The following ADAMTS9 variants were observed in gnomAD, a reference collection of about 807,000 sequenced individuals.
ADAMTS9 encodes the protein A disintegrin and metalloproteinase with thrombospondin motifs 9.
Under a neutral mutation model 257.1 loss-of-function variants are expected in ADAMTS9, and 107 were observed. That is an observed-to-expected ratio of 0.42 (90% CI 0.36 to 0.49). ADAMTS9 has a LOEUF of 0.49. ADAMTS9 is among the 20% of genes least tolerant of loss of function. The pLI is 0.03. For synonymous variants in ADAMTS9, 982 were observed against 880.9 expected (o/e 1.11, Z -2.03); for missense variants, 2,353 against 2,469.1 (o/e 0.95, Z 1.00).
intron 16 of ADAMTS9, among the ~76,000 whole-genome samples, chr3:64,630,932 C>G (rs944910569): frequency 1.3e-5 from 2 of 152,118 alleles, no homozygotes; most frequent in African/African-American, 4.8e-5. Context: ...GATAAAAAAT[C>G]TGTATAGTAT....
intron 21 of ADAMTS9, among the ~76,000 whole-genome samples, chr3:64,613,980 A>G (rs1216959915): frequency 1.3e-5 from 2 of 152,228 alleles, no homozygotes; most frequent in Non-Finnish European, 2.9e-5. Flanking sequence ...CATTTAATAA[A>G]TGCCAAATGT....
chr3:64,565,493 G>C (rs540925647), intron 29 of ADAMTS9: 1 of 152,340 alleles, frequency 6.6e-6, no homozygotes, highest in East Asian at 1.9e-4. Flanking sequence ...GTTGAACTGT[G>C]AAGAAGATCT....
intron 6 of ADAMTS9, among the ~76,000 whole-genome samples, chr3:64,655,351 G>T (rs1171617645): frequency 1.3e-5 from 2 of 152,200 alleles, no homozygotes; most frequent in East Asian, 1.9e-4. Context: ...AGACATTGCT[G>T]GTTGTCACAC....
chr3:64,574,649 A>C (rs2083787531), intron 28 of ADAMTS9, among the ~76,000 whole-genome samples: 1 of 151,282 alleles, frequency 6.6e-6, no homozygotes, highest in South Asian at 2.1e-4. Flanking sequence ...AGGAGCATTG[A>C]TTGAGCCTAG....
chr3:64,546,551 TGGCTTCAGA>T (rs1343109455), intron 32 of ADAMTS9, among the ~76,000 whole-genome samples, 198 bp downstream of exon 32: 1 of 152,208 alleles, frequency 6.6e-6, no homozygotes, highest in Non-Finnish European at 1.5e-5. Flanking sequence ...CCAGACTGTC[TGGCTTCAGA>T]GCCCATGTTC....
chr3:64,620,233 T>G (rs1398926293), intron 19 of ADAMTS9, among the ~76,000 whole-genome samples: 1 of 152,122 alleles, frequency 6.6e-6, no homozygotes, highest in Non-Finnish European at 1.5e-5. Flanking sequence ...TCAGAACTCC[T>G]CTATTTTCTC....
At chr3:64,659,372 G>A (rs1031863460) in intron 3 of ADAMTS9, among the ~76,000 whole-genome samples, 6 of 151,362 alleles carry the variant, frequency 4.0e-5, no homozygotes, top group South Asian at 4.2e-4. Flanking sequence ...GGAGGCTGAC[G>A]CACGAGAATT....
At chr3:64,604,168 A>G (rs1245073280) in intron 24 of ADAMTS9, 59 bp downstream of exon 24, 2 of 1,598,622 alleles carry the variant, frequency 1.3e-6, no homozygotes, top group African/African-American at 1.3e-5. Context: ...TTCTATAGCC[A>G]TGTCTGAGAA....
At chr3:64,616,874 C>T (rs1340438169) in intron 19 of ADAMTS9, among the ~76,000 whole-genome samples, 3 of 152,128 alleles carry the variant, frequency 2.0e-5, no homozygotes, top group African/African-American at 7.2e-5. Flanking sequence ...CTCATCACTG[C>T]TTAGAAATTG....
At chr3:64,628,265 C>T (rs1307118995) in intron 16 of ADAMTS9, among the ~76,000 whole-genome samples, 1 of 152,154 alleles carries the variant, frequency 6.6e-6, no homozygotes, top group Non-Finnish European at 1.5e-5. Flanking sequence ...TATCAGGAGG[C>T]CCTCCCTGAA....
chr3:64,635,499 G>T (rs550740386), intron 12 of ADAMTS9, among the ~76,000 whole-genome samples: 176 of 152,324 alleles, frequency 1.2e-3, no homozygotes, highest in Non-Finnish European at 1.9e-3. Flanking sequence ...ACGTCTGTCT[G>T]TTTCTGCATT....
intron 28 of ADAMTS9, chr3:64,584,168 T>A (rs1396494659): frequency 6.6e-6 from 1 of 152,110 alleles, no homozygotes; most frequent in Admixed American, 6.6e-5. Context: ...TTTGGGAAAA[T>A]GCTTTCATTT....
intron 30 of ADAMTS9, among the ~76,000 whole-genome samples, chr3:64,554,485 G>A (rs2083306670): frequency 6.6e-6 from 1 of 152,014 alleles, no homozygotes; most frequent in South Asian, 2.1e-4. Flanking sequence ...GGTTTCATCA[G>A]CTTTTTGTAA....
At chr3:64,653,203 C>G (rs1023921762) in intron 8 of ADAMTS9, among the ~76,000 whole-genome samples, 1 of 152,068 alleles carries the variant, frequency 6.6e-6, no homozygotes, top group Non-Finnish European at 1.5e-5. Flanking sequence ...CAAGTCCCAC[C>G]GCCACTAAGC....
chr3:64,562,426 T>C (rs1045491336), intron 29 of ADAMTS9, among the ~76,000 whole-genome samples: 1 of 152,208 alleles, frequency 6.6e-6, no homozygotes, highest in Admixed American at 6.5e-5. Flanking sequence ...GTTAATCATG[T>C]TGAAACATTT....
chr3:64,666,682 AAGAG>A (rs1701360348), intron 3 of ADAMTS9, among the ~76,000 whole-genome samples: 1 of 152,258 alleles, frequency 6.6e-6, no homozygotes, highest in Non-Finnish European at 1.5e-5. Flanking sequence ...TGGAGATTAA[AAGAG>A]ATAATACATA....
In ADAMTS9 at chr3:64,621,303, C is replaced by G. The variant is rs563671618; in HGVS notation, c.2687-63G>C. ...AATCTATTCCATAAACTATTTAGACCCCGGATTGGCAAGCATTTTCTCTAA... is the reference window on the plus strand; with the variant it reads ...AATCTATTCCATAAACTATTTAGACGCCGGATTGGCAAGCATTTTCTCTAA... On this transcript the variant is annotated intron_variant, in intron 18 of 39. Transcript: ENST00000498707. The G allele has an allele frequency of 2.8e-5, 43 of 1,520,486 alleles. 1 individual carries two copies. In the South Asian group the frequency reaches 5.0e-4, roughly 18 times the overall value. 94.2% of individuals were successfully genotyped at this position (1,520,486 alleles called of 1,614,324 possible).
In ADAMTS9 at chr3:64,615,473, A is replaced by T; in HGVS notation, c.3037T>A (p.Cys1013Ser). 2.5e-6 allele frequency: 4 copies of T among 1,613,162 alleles called. No individual in the cohort carries two copies. Among genetic ancestry groups the T allele is most frequent in the Non-Finnish European group, 3.4e-6 (4 of 1,179,638 alleles). The change falls in exon 21 of 40, where the codon TGT becomes AGT. Residue 1013 changes from cysteine (C) to serine (S), a missense_variant. Physicochemically the swap from Cys to Ser is moderately radical, Grantham distance 112. This residue lies in a region of ADAMTS9 where 1,402 missense variants were observed against 1,441.4 expected (regional missense o/e 0.97). Transcript: ENST00000498707. The stretch of plus-strand genomic sequence containing the variant: ...CTTCTCCTCTGGGTCCCACCGTCAC[A>T]GCTTTTTGAACACTGTAGGGACAAA... ...YSAWTECSKS[C>S]DGGTQRRRAI...
chr3:64,595,581 G>C (rs2084350614), intron 27 of ADAMTS9, among the ~76,000 whole-genome samples: 1 of 152,206 alleles, frequency 6.6e-6, no homozygotes, highest in Admixed American at 6.5e-5. Flanking sequence ...GAGGTTTTGG[G>C]AAATCCACAA....
Sources: allele counts gnomAD v4.1 joint callset (sites outside exome capture counted in the v4.1 genomes callset), GRCh38; gene constraint gnomAD v4.1.1; regional missense constraint gnomAD v4.1.1; transcripts MANE v1.5; gene names NCBI Gene and HGNC (gene_info 2026-07-23, HGNC 2026-07-21).